Variants in PTPRK observed in about 807,000 individuals in gnomAD.
PTPRK encodes receptor-type tyrosine-protein phosphatase kappa.
Under a neutral mutation model 178.0 loss-of-function variants are expected in PTPRK, and 75 were observed. That is an observed-to-expected ratio of 0.42 (90% confidence interval 0.35 to 0.51). The LOEUF (loss-of-function observed/expected upper bound fraction) is 0.51, where lower values mean the gene tolerates loss of function less well. Ranked by LOEUF, PTPRK falls within the 20% of genes least tolerant of loss-of-function variation. The pLI, the probability that PTPRK is intolerant of heterozygous loss-of-function variation, is 0.02. For synonymous variants in PTPRK, 637 were observed against 620.6 expected (o/e 1.03, Z -0.39); for missense variants, 1,441 against 1,797.8 (o/e 0.80, Z 3.59).
chr6:128,193,870 A>C (rs1231279956), intron 6 of PTPRK, among the ~76,000 whole-genome samples: 2 of 151,998 alleles, frequency 1.3e-5, no homozygotes, highest in Non-Finnish European at 2.9e-5. Context: ...AAACTAAAAC[A>C]AGGTTAGGTT....
At chr6:128,421,569 T>C (rs763237492) in intron 1 of PTPRK, among the ~76,000 whole-genome samples, 1 of 152,190 alleles carries the variant, frequency 6.6e-6, no homozygotes, top group Non-Finnish European at 1.5e-5. Flanking sequence ...TCAAGACGAC[T>C]CTTCACAAGT....
intron 1 of PTPRK, among the ~76,000 whole-genome samples, chr6:128,407,839 C>T (rs994353039): frequency 6.6e-6 from 1 of 151,672 alleles, no homozygotes; most frequent in Non-Finnish European, 1.5e-5. Context: ...AATATAAAAA[C>T]CAAGAAGTTT....
chr6:128,369,764 G>T (rs1315030149), intron 2 of PTPRK, among the ~76,000 whole-genome samples: 1 of 152,008 alleles, frequency 6.6e-6, no homozygotes, highest in African/African-American at 2.4e-5. Flanking sequence ...CCACAAAGAC[G>T]TGGATGCCAT....
At chr6:128,397,959 A>G (rs1043131076) in intron 1 of PTPRK, among the ~76,000 whole-genome samples, 3 of 152,202 alleles carry the variant, frequency 2.0e-5, no homozygotes, top group African/African-American at 7.2e-5. Flanking sequence ...TACATGCATA[A>G]GTCAGGCTTT....
intron 13 of PTPRK, among the ~76,000 whole-genome samples, chr6:128,047,407 T>C (rs1327072397): frequency 6.6e-6 from 1 of 152,210 alleles, no homozygotes; most frequent in Non-Finnish European, 1.5e-5. Context: ...TTAGTAATTA[T>C]ACATCAACTT....
intron 1 of PTPRK, among the ~76,000 whole-genome samples, chr6:128,470,548 T>C (rs1157067566): frequency 6.6e-6 from 1 of 152,044 alleles, no homozygotes; most frequent in Admixed American, 6.6e-5. Flanking sequence ...TCAAAAACAC[T>C]AAGTTCAAGT....
chr6:127,980,225 G>C (rs1040370797), intron 25 of PTPRK, among the ~76,000 whole-genome samples: 1 of 152,220 alleles, frequency 6.6e-6, no homozygotes, highest in Non-Finnish European at 1.5e-5. Context: ...CAGGAGAATC[G>C]CTTGAACCTG....
intron 8 of PTPRK, among the ~76,000 whole-genome samples, chr6:128,088,097 G>T (rs763378710): frequency 6.6e-6 from 1 of 152,110 alleles, no homozygotes; most frequent in Non-Finnish European, 1.5e-5. Flanking sequence ...ATGTAGCCCC[G>T]CTGGGCACAG....
intron 3 of PTPRK, among the ~76,000 whole-genome samples, chr6:128,271,449 C>T (rs1819807212): frequency 6.6e-6 from 1 of 152,140 alleles, no homozygotes; most frequent in Non-Finnish European, 1.5e-5. Context: ...TCACCCCTAT[C>T]CTGTTATCAG....
At chr6:128,017,787 AATAAATATATATGTGTATATATAT>A (rs1242325665) in intron 13 of PTPRK, among the ~76,000 whole-genome samples, 3 of 94,404 alleles carry the variant, frequency 3.2e-5, no homozygotes, top group South Asian at 3.9e-4. Context: ...TACATATATA[AATAAATATATATGTGTATATATAT>A]ATATATATAT....
intron 16 of PTPRK, among the ~76,000 whole-genome samples, chr6:127,997,983 G>C (rs1777353350): frequency 6.6e-6 from 1 of 152,040 alleles, no homozygotes; most frequent in South Asian, 2.1e-4. Flanking sequence ...TAGTGGACTG[G>C]CTTCCTTCCA....
intron 1 of PTPRK, among the ~76,000 whole-genome samples, chr6:128,420,941 A>G (rs1326527051): frequency 6.6e-6 from 1 of 152,228 alleles, no homozygotes; most frequent in Non-Finnish European, 1.5e-5. Context: ...TATTTGGAAG[A>G]GACCTTCTGT....
rs1562379558 is a variant in PTPRK, at chr6:127,983,000, GA to G, written c.3388-21del. The G allele has an allele frequency of 6.3e-7, 1 of 1,591,160 alleles. No homozygotes were observed. Among genetic ancestry groups the G allele is most frequent in the Non-Finnish European group, 8.6e-7 (1 of 1,169,366 alleles). Reference sequence around the variant, plus strand: ...CTGTTCCTACCAAAAGAATGAAAAAGAAAATTTTGTACTAGTTTTAGTATCA... The same window carrying G: ...CTGTTCCTACCAAAAGAATGAAAAAGAAATTTTGTACTAGTTTTAGTATCA... On this transcript the variant is annotated intron_variant, in intron 23 of 29. Coordinates refer to ENST00000368226, the MANE Select transcript of PTPRK (RefSeq NM_002844.4).
At chr6:128,069,901 G>C (rs2114952570) in intron 11 of PTPRK, among the ~76,000 whole-genome samples, 1 of 152,168 alleles carries the variant, frequency 6.6e-6, no homozygotes, top group Admixed American at 6.6e-5. Context: ...AGGTGCAATA[G>C]GCTCTTTGGG....
rs139017685 is a variant in PTPRK at position 128,024,601 on chromosome 6, G to T, written c.2195-15333C>A. 3.2e-3 allele frequency among the ~76,000 whole-genome samples: 488 copies of T among 152,196 alleles called. 2 individuals carry two copies. The highest frequency in any genetic ancestry group is 0.011 in the African/African-American group (465 of 41,522). ...AGGCAGGCAGATCACTTGAGGTCAG[G>T]AGTTCAAGACCAGCCTGGCCAACAT... On this transcript the variant is annotated intron_variant, in intron 13 of 29. Coordinates refer to ENST00000368226, the MANE Select transcript of PTPRK (RefSeq NM_002844.4).
chr6:128,235,093 T>C (rs190022300), intron 5 of PTPRK, among the ~76,000 whole-genome samples: 5 of 152,316 alleles, frequency 3.3e-5, no homozygotes, highest in Non-Finnish European at 5.9e-5. Flanking sequence ...TTACACATTA[T>C]ATGCTTGTTC....
chr6:128,410,871 C>T (rs947934129), intron 1 of PTPRK, among the ~76,000 whole-genome samples: 3 of 152,140 alleles, frequency 2.0e-5, no homozygotes, highest in Non-Finnish European at 4.4e-5. Context: ...GGCAAAACTT[C>T]CTTACCAGCC....
At chr6:128,507,740 G>A (rs1856581925) in intron 1 of PTPRK, among the ~76,000 whole-genome samples, 1 of 152,144 alleles carries the variant, frequency 6.6e-6, no homozygotes, top group East Asian at 1.9e-4. Flanking sequence ...TTATGCATGT[G>A]AATATTCAGG....
At chr6:128,031,764 G>C (rs141768919) in intron 13 of PTPRK, among the ~76,000 whole-genome samples, 218 of 152,228 alleles carry the variant, frequency 1.4e-3, no homozygotes, top group Non-Finnish European at 2.5e-3. Flanking sequence ...TGTAGATCTT[G>C]AACTAATTTA....
Sources: allele counts gnomAD v4.1 joint callset (sites outside exome capture counted in the v4.1 genomes callset), GRCh38; gene constraint gnomAD v4.1.1; transcripts MANE v1.5; gene names NCBI Gene and HGNC (gene_info 2026-07-23, HGNC 2026-07-21).